Variants in DNAH9 observed in about 807,000 individuals in gnomAD.
DNAH9 encodes DNAH9 variant protein.
DNAH9 carries 345 observed loss-of-function variants against 471.6 expected under a neutral mutation model. That is an observed-to-expected ratio of 0.73 (90% CI 0.67 to 0.80). DNAH9 has a LOEUF of 0.80. Among genes scored for constraint, DNAH9 ranks in the 30% least tolerant of loss-of-function variants. DNAH9 has a pLI of 0.00. For synonymous variants in DNAH9, 2,093 were observed against 2,123.6 expected (o/e 0.99, Z 0.40); for missense variants, 5,407 against 5,609.2 (o/e 0.96, Z 1.15).
intron 68 of DNAH9, among the ~76,000 whole-genome samples, chr17:11,968,695 C>A (rs1976942759): frequency 6.6e-6 from 1 of 152,172 alleles, no homozygotes; most frequent in Non-Finnish European, 1.5e-5. Flanking sequence ...CAGAACATTT[C>A]TCGGGACTAG....
chr17:11,852,483 G>A (rs1971458259), intron 49 of DNAH9, among the ~76,000 whole-genome samples: 1 of 152,026 alleles, frequency 6.6e-6, no homozygotes, highest in African/African-American at 2.4e-5. Context: ...TGTGGCTCTT[G>A]TCCAATCCAT....
chr17:11,670,612 A>G (rs1194882512), intron 17 of DNAH9, among the ~76,000 whole-genome samples: 1 of 152,166 alleles, frequency 6.6e-6, no homozygotes, highest in Non-Finnish European at 1.5e-5. Context: ...AAATGGTAAC[A>G]TTGAGAATTT....
At chr17:11,815,295 C>T (rs1251940679) in intron 45 of DNAH9, among the ~76,000 whole-genome samples, 1 of 151,980 alleles carries the variant, frequency 6.6e-6, no homozygotes, top group East Asian at 1.9e-4. Flanking sequence ...TCCCTTACCA[C>T]CTATGTCCAA....
At chr17:11,671,064 T>C (rs1292022502) in intron 17 of DNAH9, among the ~76,000 whole-genome samples, 1 of 152,162 alleles carries the variant, frequency 6.6e-6, no homozygotes, top group Admixed American at 6.5e-5. Context: ...TTTTCTTCCC[T>C]GAGGAACTCA....
chr17:11,839,908 A>G (rs1342071644), intron 49 of DNAH9, among the ~76,000 whole-genome samples: 1 of 152,214 alleles, frequency 6.6e-6, no homozygotes, highest in African/African-American at 2.4e-5. Flanking sequence ...CCCATACGCA[A>G]TAATATGTGT....
At chr17:11,797,902 G>C in intron 43 of DNAH9, 109 bp downstream of exon 43, 1 of 1,134,664 alleles carries the variant, frequency 8.8e-7, no homozygotes, top group South Asian at 1.6e-5. Context: ...AAGGAGCTCC[G>C]GCTTCTGCCT....
intron 26 of DNAH9, among the ~76,000 whole-genome samples, chr17:11,712,799 A>G (rs2074896217): frequency 6.6e-6 from 1 of 150,504 alleles, no homozygotes; most frequent in South Asian, 2.1e-4. Context: ...AATTCTTTGT[A>G]TATTCTGGAT....
intron 19 of DNAH9, among the ~76,000 whole-genome samples, chr17:11,688,114 G>A (rs2074272053): frequency 7.5e-6 from 1 of 132,564 alleles, no homozygotes; most frequent in Middle Eastern, 4.1e-3. Context: ...AAAGCCATCT[G>A]CCTACATGGG....
chr17:11,961,017 TTAAACA>T (rs200276954), intron 67 of DNAH9, among the ~76,000 whole-genome samples: 1,621 of 151,922 alleles, frequency 0.011, 31 homozygotes, highest in African/African-American at 0.037. Context: ...AAAGTTTGCT[TTAAACA>T]TAGTGTTCAG....
chr17:11,709,566 G>A (rs1047373258), intron 26 of DNAH9, among the ~76,000 whole-genome samples: 2 of 152,174 alleles, frequency 1.3e-5, no homozygotes, highest in African/African-American at 4.8e-5. Flanking sequence ...CCGTTTTACA[G>A]TACATCCAAA....
chr17:11,875,008 C>A lies in DNAH9; in HGVS notation c.10302C>A (p.Asp3434Glu). Residue 3434 changes from aspartate to glutamate, a missense_variant, in exon 53 of 69, where the codon GAC (aspartate) becomes GAA (glutamate). By Grantham distance (45) the Asp-to-Glu change is conservative (BLOSUM62 2). Transcript: ENST00000262442. The part of the protein sequence containing the change: ...DPLRMLMDDA[D>E]VAAWQNEGLP... ...TGAGGATGCTGATGGATGATGCTGA[C>A]GTGGCTGCCTGGCAGAACGAGGGCC... 1 of 1,614,118 alleles carries A rather than the reference C, an allele frequency of 6.2e-7. No homozygotes were observed. Among genetic ancestry groups the A allele is most frequent in the Non-Finnish European group, 8.5e-7 (1 of 1,180,020 alleles).
chr17:11,755,687 T>TACACACAC (rs375603663), intron 33 of DNAH9, among the ~76,000 whole-genome samples: 1 of 148,538 alleles, frequency 6.7e-6, no homozygotes, highest in African/African-American at 2.5e-5. Context: ...TCAACACACA[T>TACACACAC]ACACACACAC....
intron 45 of DNAH9, among the ~76,000 whole-genome samples, chr17:11,818,885 CTATTATTAT>C (rs140324358): frequency 2.5e-4 from 37 of 147,186 alleles, no homozygotes; most frequent in African/African-American, 4.0e-4. Flanking sequence ...TCCATTATTA[CTATTATTAT>C]TATTATTATT....
At chr17:11,619,941 C>T in intron 6 of DNAH9, 160 bp downstream of exon 6, 1 of 603,222 alleles carries the variant, frequency 1.7e-6, no homozygotes, top group Non-Finnish European at 3.0e-6. Flanking sequence ...GTCACAGTGG[C>T]TCATGCCTGT....
Position 11,939,223 on chromosome 17 carries a change from T to G in DNAH9, c.12660+1701T>G, listed in dbSNP as rs555639247. Among the ~76,000 whole-genome samples, 30 of 152,236 alleles carry G rather than the reference T, an allele frequency of 2.0e-4. No individual in the cohort carries two copies. In the South Asian group the frequency reaches 5.8e-3, roughly 30 times the overall value. ...ACTCTACTCAGTCTATTCCACTATT[T>G]GATGTATAATTTGAAAATAAAGAGA... On this transcript the variant is annotated intron_variant, in intron 66 of 68. Transcript: ENST00000262442.
At chr17:11,698,552 T>G (rs12601998) in intron 22 of DNAH9, among the ~76,000 whole-genome samples, 116,765 of 151,202 alleles carry the variant, frequency 0.77, 45,543 homozygotes, top group East Asian at 0.9. Context: ...TCAGTGTGGG[T>G]GGTGTTTCCA....
intron 61 of DNAH9, among the ~76,000 whole-genome samples, chr17:11,911,806 G>T (rs1054271643): frequency 2.0e-5 from 3 of 152,068 alleles, no homozygotes; most frequent in African/African-American, 7.2e-5. Context: ...TTTATTAAAT[G>T]TATTCCCAAG....
intron 45 of DNAH9, among the ~76,000 whole-genome samples, chr17:11,819,459 G>A (rs140878140): frequency 1.5e-4 from 23 of 151,688 alleles, no homozygotes; most frequent in East Asian, 3.9e-4. Flanking sequence ...GCTCTGAAGC[G>A]CAGGCTGGAG....
chr17:11,625,606 T>G (rs550828621), intron 6 of DNAH9, among the ~76,000 whole-genome samples: 1 of 152,342 alleles, frequency 6.6e-6, no homozygotes, highest in East Asian at 1.9e-4. Context: ...TGGCCTCTCC[T>G]TTGAGAAGGG....
Sources: allele counts gnomAD v4.1 joint callset (sites outside exome capture counted in the v4.1 genomes callset), GRCh38; gene constraint gnomAD v4.1.1; transcripts MANE v1.5; gene names NCBI Gene and HGNC (gene_info 2026-07-23, HGNC 2026-07-21).